CLSTN2: variants seen among roughly 807,000 people sequenced by gnomAD.
CLSTN2 encodes the protein calsyntenin 2.
Under a neutral mutation model 101.2 loss-of-function variants are expected in CLSTN2, and 48 were observed. The observed-to-expected ratio is 0.47, with a 90% confidence interval of 0.38 to 0.60. The LOEUF (loss-of-function observed/expected upper bound fraction) is 0.60, where lower values mean the gene tolerates loss of function less well. CLSTN2 is among the 20% of genes least tolerant of loss of function. The pLI is 0.00. For missense variants in CLSTN2, 1,160 were observed against 1,238.2 expected, an observed-to-expected ratio of 0.94 and a Z score of 0.95; for synonymous variants, 481 against 463.6, an observed-to-expected ratio of 1.04 and a Z score of -0.48.
chr3:140,463,255 G>A (rs138170738), intron 7 of CLSTN2, among the ~76,000 whole-genome samples: 1 of 152,308 alleles, frequency 6.6e-6, no homozygotes, highest in East Asian at 1.9e-4. Flanking sequence ...GCCCTTTTCT[G>A]TCTCTGAGTT....
chr3:140,411,433 T>C (rs1318373194), intron 4 of CLSTN2, among the ~76,000 whole-genome samples: 2 of 152,156 alleles, frequency 1.3e-5, no homozygotes, highest in Non-Finnish European at 2.9e-5. Flanking sequence ...ATAAAGTAAA[T>C]ATGAACAAAT....
intron 8 of CLSTN2, among the ~76,000 whole-genome samples, chr3:140,469,379 A>G (rs1189855446): frequency 4.6e-5 from 7 of 152,142 alleles, no homozygotes; most frequent in Non-Finnish European, 1.0e-4. Flanking sequence ...AACAGTTCCC[A>G]TGCTAGCAAT....
chr3:140,108,911 A>G (rs2107793670), intron 1 of CLSTN2, among the ~76,000 whole-genome samples: 1 of 152,294 alleles, frequency 6.6e-6, no homozygotes, highest in South Asian at 2.1e-4. Flanking sequence ...AGCTCCATTT[A>G]TGCCCTGTCA....
chr3:140,139,182 A>G (rs1431932745), intron 1 of CLSTN2, among the ~76,000 whole-genome samples: 2 of 152,140 alleles, frequency 1.3e-5, no homozygotes, highest in African/African-American at 2.4e-5. Flanking sequence ...AGTAGAGTGA[A>G]CTTGCATTGT....
chr3:140,400,369 A>G (rs1352039315), intron 2 of CLSTN2, among the ~76,000 whole-genome samples: 1 of 152,166 alleles, frequency 6.6e-6, no homozygotes, highest in African/African-American at 2.4e-5. Flanking sequence ...GTCCCATCAG[A>G]CTTTATTCAC....
At chr3:140,114,271 T>C (rs1325429304) in intron 1 of CLSTN2, among the ~76,000 whole-genome samples, 1 of 152,202 alleles carries the variant, frequency 6.6e-6, no homozygotes, top group African/African-American at 2.4e-5. Context: ...CTCCCACTTT[T>C]TGTGCTTTGC....
At chr3:140,131,945 G>A (rs1204479295) in intron 1 of CLSTN2, among the ~76,000 whole-genome samples, 2 of 152,100 alleles carry the variant, frequency 1.3e-5, no homozygotes, top group Non-Finnish European at 2.9e-5. Context: ...AAACAGTGAC[G>A]TTTAAAACGT....
At chr3:140,408,252 A>G (rs900675341) in intron 4 of CLSTN2, among the ~76,000 whole-genome samples, 1 of 152,180 alleles carries the variant, frequency 6.6e-6, no homozygotes, top group Non-Finnish European at 1.5e-5. Context: ...AGGATGAACA[A>G]TCAGTTTCCT....
At chr3:140,128,476 G>A (rs2009470902) in intron 1 of CLSTN2, among the ~76,000 whole-genome samples, 1 of 152,170 alleles carries the variant, frequency 6.6e-6, no homozygotes, top group Non-Finnish European at 1.5e-5. Flanking sequence ...CAAAAGTGTG[G>A]GCAGGATATT....
chr3:139,970,320 G>C (rs1335671543), intron 1 of CLSTN2, among the ~76,000 whole-genome samples: 1 of 152,088 alleles, frequency 6.6e-6, no homozygotes, highest in Admixed American at 6.5e-5. Flanking sequence ...GAAGCATCTG[G>C]GGGGGGATGC....
In CLSTN2 at chr3:140,442,159, C is replaced by T. The variant is rs569322430; in HGVS notation, c.788-6360C>T. On this transcript the variant is annotated intron_variant, in intron 5 of 16. Transcript: ENST00000458420. ...CTGACCCTGGAGGGACTGTCCCTCT[C>T]GGGTTTAGCTGATTCTCAGAGATCC... Among the ~76,000 whole-genome samples the T allele has an allele frequency of 6.6e-5, 10 of 152,230 alleles. No homozygotes were observed. In the East Asian group the frequency reaches 1.2e-3, roughly 18 times the overall value.
rs1372382914 is a variant in CLSTN2, at chr3:140,059,691, G to A, written c.110-116260G>A. Among the ~76,000 whole-genome samples, 5 of 152,112 alleles carry A rather than the reference G, an allele frequency of 3.3e-5. No individual in the cohort carries two copies. In the South Asian group the frequency reaches 8.3e-4, roughly 25 times the overall value. ...GCAGTGAAGAAGCTTGCCCTATTAAGACACCCACTTGGAAGCAGCTGAAGT... is the reference window on the plus strand; with the variant it reads ...GCAGTGAAGAAGCTTGCCCTATTAAAACACCCACTTGGAAGCAGCTGAAGT... On this transcript the variant is annotated intron_variant, in intron 1 of 16. Transcript: ENST00000458420.
At chr3:140,430,262 C>G (rs1408229719) in intron 5 of CLSTN2, among the ~76,000 whole-genome samples, 2 of 152,040 alleles carry the variant, frequency 1.3e-5, no homozygotes, top group Non-Finnish European at 2.9e-5. Context: ...AATAGATAAT[C>G]CCCCCTGAGA....
intron 1 of CLSTN2, among the ~76,000 whole-genome samples, chr3:140,023,372 T>C (rs1189787033): frequency 1.3e-5 from 2 of 152,184 alleles, no homozygotes; most frequent in South Asian, 2.1e-4. Context: ...TGAGGCTTGT[T>C]ATGTTTCTGC....
chr3:140,345,021 A>C (rs1327176752), intron 2 of CLSTN2, among the ~76,000 whole-genome samples: 3 of 152,080 alleles, frequency 2.0e-5, no homozygotes, highest in African/African-American at 7.2e-5. Context: ...TGTATCCAAA[A>C]AATGCCATCT....
At chr3:140,088,974 A>G (rs2008723751) in intron 1 of CLSTN2, among the ~76,000 whole-genome samples, 1 of 152,178 alleles carries the variant, frequency 6.6e-6, no homozygotes, top group African/African-American at 2.4e-5. Flanking sequence ...TTAAGTGGAA[A>G]AAAATGCATG....
In CLSTN2 at chr3:140,060,725, C is replaced by A. The variant is rs368836550; in HGVS notation, c.110-115226C>A. Among the ~76,000 whole-genome samples the A allele has an allele frequency of 2.2e-4, 33 of 152,300 alleles. No individual in the cohort carries two copies. The East Asian group carries it at 3.7e-3, about 17-fold the overall frequency. On this transcript the variant is annotated intron_variant, in intron 1 of 16. Coordinates refer to ENST00000458420, the MANE Select transcript of CLSTN2 (RefSeq NM_022131.3). ...GTGGCATCCAGAGTAACAAGGCCTG[C>A]GGTTGACCTGATGGGTAACTGGTGT...
chr3:140,311,085 G>A (rs966023334), intron 2 of CLSTN2, among the ~76,000 whole-genome samples: 1 of 152,102 alleles, frequency 6.6e-6, no homozygotes, highest in Admixed American at 6.5e-5. Context: ...AAAGGAATAG[G>A]TGAGCCAGAT....
intron 1 of CLSTN2, among the ~76,000 whole-genome samples, chr3:140,059,079 T>C (rs1190326074): frequency 6.6e-6 from 1 of 152,252 alleles, no homozygotes; most frequent in Non-Finnish European, 1.5e-5. Flanking sequence ...TGTCATCAGA[T>C]TCCCTGGGTT....
Sources: gnomAD v4.1 joint callset for allele counts (sites outside exome capture counted in the v4.1 genomes callset) on GRCh38, gnomAD v4.1.1 for gene constraint, MANE v1.5 for transcripts, NCBI Gene and HGNC (gene_info 2026-07-23, HGNC 2026-07-21) for gene names.